The following RNF180 variants were observed in gnomAD, a reference collection of about 807,000 sequenced individuals.
RNF180 encodes E3 ubiquitin-protein ligase RNF180.
In RNF180, 38 loss-of-function variants were observed where a neutral mutation model predicts 59.2. The observed-to-expected ratio is 0.64, with a 90% CI of 0.50 to 0.84. RNF180 has a LOEUF of 0.84. RNF180 is among the 40% of genes least tolerant of loss of function. The pLI, the probability that RNF180 is intolerant of heterozygous loss-of-function variation, is 0.00. For missense variants in RNF180, 705 were observed against 700.9 expected, an observed-to-expected ratio of 1.01 and a Z score of -0.07; for synonymous variants, 262 against 240.3, an observed-to-expected ratio of 1.09 and a Z score of -0.84.
chr5:64,301,187 A>C (rs897239703), intron 5 of RNF180, among the ~76,000 whole-genome samples: 1 of 151,818 alleles, frequency 6.6e-6, no homozygotes, highest in Non-Finnish European at 1.5e-5. Context: ...CCTACTGAAC[A>C]ACAGCAATAA....
At chr5:64,366,072 C>G (rs1166378738) in intron 7 of RNF180, among the ~76,000 whole-genome samples, 1 of 151,502 alleles carries the variant, frequency 6.6e-6, no homozygotes, top group African/African-American at 2.4e-5. Flanking sequence ...TGTCACTGGT[C>G]TGTGAACTTA....
rs148681197 is a variant in RNF180, at chr5:64,233,535, T to G, written c.1227+16139T>G. On this transcript the variant is annotated intron_variant, in intron 5 of 7. Coordinates refer to ENST00000389100, the MANE Select transcript of RNF180 (RefSeq NM_001113561.2). ...TGGACTATATACGTACATTCTTTCC[T>G]AATTATCATGGGAATTGTGTGCAAG... Among the ~76,000 whole-genome samples, 595 of 152,354 alleles carry G rather than the reference T, an allele frequency of 3.9e-3. 3 individuals are homozygous for G. The highest frequency in any genetic ancestry group is 0.014 in the African/African-American group (576 of 41,586).
intron 1 of RNF180, among the ~76,000 whole-genome samples, chr5:64,190,110 C>T (rs1296942662): frequency 2.6e-5 from 4 of 152,162 alleles, no homozygotes; most frequent in African/African-American, 9.7e-5. Flanking sequence ...AGGGGCAAGG[C>T]TGCCACCCAG....
At chr5:64,329,016 T>C (rs1744775857) in intron 6 of RNF180, among the ~76,000 whole-genome samples, 1 of 152,208 alleles carries the variant, frequency 6.6e-6, no homozygotes, top group Admixed American at 6.5e-5. Context: ...ATGAATACCA[T>C]CATATATGTT....
intron 1 of RNF180, among the ~76,000 whole-genome samples, chr5:64,194,259 G>GT (rs1367821402): frequency 3.9e-5 from 6 of 151,992 alleles, no homozygotes; most frequent in African/African-American, 1.5e-4. Context: ...GCAGTGTTTG[G>GT]TTTTTTGTCC....
intron 5 of RNF180, among the ~76,000 whole-genome samples, chr5:64,292,343 C>G (rs935816742): frequency 1.3e-5 from 2 of 151,984 alleles, no homozygotes; most frequent in South Asian, 2.1e-4. Flanking sequence ...TTGTTGCTGC[C>G]TTATTTTCTT....
intron 1 of RNF180, among the ~76,000 whole-genome samples, chr5:64,182,278 T>A (rs933316495): frequency 5.9e-5 from 9 of 152,086 alleles, no homozygotes; most frequent in African/African-American, 2.2e-4. Flanking sequence ...GCTACTTTCT[T>A]AAATAATGTG....
At chr5:64,186,053 C>CT (rs902249232) in intron 1 of RNF180, among the ~76,000 whole-genome samples, 42 of 152,002 alleles carry the variant, frequency 2.8e-4, no homozygotes, top group African/African-American at 1.0e-3. Context: ...GAAATACCTG[C>CT]TTTTTTTTCT....
chr5:64,201,392 A>C (rs997379852), intron 2 of RNF180, among the ~76,000 whole-genome samples: 3 of 152,216 alleles, frequency 2.0e-5, no homozygotes, highest in Non-Finnish European at 4.4e-5. Flanking sequence ...ACCCATAGGA[A>C]AACCTGAATA....
chr5:64,170,696 T>G (rs1419171542), intron 1 of RNF180, among the ~76,000 whole-genome samples: 1 of 152,206 alleles, frequency 6.6e-6, no homozygotes, highest in Non-Finnish European at 1.5e-5. Flanking sequence ...TTATCCTGGT[T>G]AACCTGATTT....
intron 5 of RNF180, among the ~76,000 whole-genome samples, chr5:64,296,657 C>CA (rs57855322): frequency 0.27 from 37,867 of 142,048 alleles, 4,821 homozygotes; most frequent in Middle Eastern, 0.33. Context: ...TTCCTAGGGT[C>CA]AAAAAAAAAA....
intron 2 of RNF180, among the ~76,000 whole-genome samples, chr5:64,209,103 A>G (rs1278802807): frequency 3.3e-5 from 5 of 152,034 alleles, no homozygotes; most frequent in African/African-American, 1.2e-4. Context: ...CATAAGAGGC[A>G]ATGTGGAAGC....
chr5:64,227,857 C>T (rs917462569), intron 5 of RNF180, among the ~76,000 whole-genome samples: 4 of 152,104 alleles, frequency 2.6e-5, no homozygotes, highest in Non-Finnish European at 4.4e-5. Context: ...TTTTATTTAC[C>T]ATGTCAACCA....
chr5:64,183,647 C>T (rs1334805975), intron 1 of RNF180, among the ~76,000 whole-genome samples: 1 of 151,966 alleles, frequency 6.6e-6, no homozygotes, highest in Non-Finnish European at 1.5e-5. Flanking sequence ...AAGGTTTCAC[C>T]TTCTTGGCCA....
At position 64,370,970 on chromosome 5, in the gene RNF180, G is replaced by T. The variant is rs1746641418; in HGVS notation, c.*1156G>T. On this transcript the variant is annotated 3_prime_UTR_variant, in exon 8 of 8. Transcript: ENST00000389100. The stretch of plus-strand genomic sequence containing the variant: ...ACATAAAATAGGTGACTCTCTCGTG[G>T]CACTAAAAATACTACCACTATCCAA... 1 of 151,482 alleles carries T rather than the reference G, an allele frequency of 6.6e-6. No individual in the cohort carries two copies. Among genetic ancestry groups the T allele is most frequent in the Non-Finnish European group, 1.5e-5 (1 of 67,696 alleles). The allele number at this position is 151,482 out of a possible 1,614,324, so 9.4% of individuals were successfully genotyped here. A position where few individuals can be genotyped will look rare whatever the true frequency, so the allele number is the denominator to read the frequency against.
rs1332996357 is a variant in RNF180, at chr5:64,371,072, A to G, written c.*1258A>G. ...ATTTAAGCTAATTGCTACTAACTGT[A>G]TTTCAATAAAAGCACTTGACTGTTG... On this transcript the variant is annotated 3_prime_UTR_variant, in exon 8 of 8. Transcript: ENST00000389100. 6.6e-6 allele frequency: 1 copy of G among 151,680 alleles called. No homozygotes were observed. Among genetic ancestry groups the G allele is most frequent in the Non-Finnish European group, 1.5e-5 (1 of 67,694 alleles). The allele number at this position is 151,680 out of a possible 1,614,324, so 9.4% of individuals were successfully genotyped here. A position where few individuals can be genotyped will look rare whatever the true frequency, so the allele number is the denominator to read the frequency against.
intron 5 of RNF180, among the ~76,000 whole-genome samples, chr5:64,296,839 C>T (rs929299034): frequency 3.3e-5 from 5 of 152,060 alleles, no homozygotes; most frequent in Non-Finnish European, 7.4e-5. Flanking sequence ...CAGGAGGTAC[C>T]ATTTTCTCTA....
chr5:64,292,456 G>A (rs1017334056), intron 5 of RNF180, among the ~76,000 whole-genome samples: 2 of 152,152 alleles, frequency 1.3e-5, no homozygotes, highest in Non-Finnish European at 2.9e-5. Flanking sequence ...GGTATCATCA[G>A]TGAAGGCTGC....
chr5:64,311,670 A>G (rs571608989), intron 5 of RNF180, among the ~76,000 whole-genome samples: 1 of 152,082 alleles, frequency 6.6e-6, no homozygotes, highest in East Asian at 1.9e-4. Context: ...TAATTTGTAC[A>G]TACCATTCAG....
Sources: allele counts gnomAD v4.1 joint callset (sites outside exome capture counted in the v4.1 genomes callset), GRCh38; gene constraint gnomAD v4.1.1; transcripts MANE v1.5; gene names NCBI Gene and HGNC (gene_info 2026-07-23, HGNC 2026-07-21).